Variants in CROCC2 observed in about 807,000 individuals in gnomAD.
CROCC2 encodes the protein ciliary rootlet coiled-coil, rootletin family member 2.
CROCC2 carries 163 observed loss-of-function variants against 177.6 expected under a neutral mutation model. The observed-to-expected ratio is 0.92, with a 90% CI of 0.81 to 1.05. CROCC2 has a LOEUF of 1.05. Among genes scored for constraint, CROCC2 ranks in the 50% least tolerant of loss-of-function variants. The pLI is 0.00. For synonymous variants in CROCC2, 904 were observed against 787.3 expected, an observed-to-expected ratio of 1.15 and a Z score of -2.48; for missense variants, 1,929 against 1,797.8, an observed-to-expected ratio of 1.07 and a Z score of -1.32.
intron 14 of CROCC2, among the ~76,000 whole-genome samples, chr2:240,943,785 C>CT (rs1482785985): frequency 6.6e-6 from 1 of 152,042 alleles, no homozygotes; most frequent in African/African-American, 2.4e-5. Flanking sequence ...CGGCCTAAAG[C>CT]TTTATTCTTG....
chr2:240,967,367 C>T lies in CROCC2; in HGVS notation c.4169C>T (p.Ala1390Val), dbSNP rs147170016. Residue 1390 changes from alanine to valine, a missense_variant, in exon 26 of 32, where the codon GCG (alanine) becomes GTG (valine). Physicochemically the swap from Ala to Val is moderately conservative, Grantham distance 64. This residue lies in a region of CROCC2 where 388 missense variants were observed against 352.7 expected (regional missense o/e 1.10). Coordinates refer to ENST00000690015, the MANE Select transcript of CROCC2 (RefSeq NM_001351305.2). ...RERDDSRIQM[A>V]TLSSRLSEAE... ...CAGGATGACTCCCGCATCCAGATGG[C>T]GACCCTGAGCAGCCGGCTGAGCGAG... 7.6e-5 allele frequency: 58 copies of T among 762,180 alleles called. No homozygotes were observed. The highest frequency in any genetic ancestry group is 5.4e-5 in the Non-Finnish European group (23 of 428,790). 47.2% of individuals were successfully genotyped at this position (762,180 alleles called of 1,614,324 possible). A position where few individuals can be genotyped will look rare whatever the true frequency, so the allele number is the denominator to read the frequency against.
rs143371927 is a variant in CROCC2, at chr2:240,944,431, C to A, written c.2170-1629C>A. Among the ~76,000 whole-genome samples the A allele has an allele frequency of 6.0e-4, 91 of 152,294 alleles. 1 individual carries two copies. The East Asian group carries it at 0.014, about 24-fold the overall frequency. On this transcript the variant is annotated intron_variant, in intron 14 of 31. Transcript: ENST00000690015. ...ATCTCCTTTTGAGGCTGTAATTACA[C>A]ATATGATGGGCATTTTTAGCTTGTC...
intron 1 of CROCC2, among the ~76,000 whole-genome samples, chr2:240,914,270 A>G (rs564105194): frequency 6.6e-6 from 1 of 152,322 alleles, no homozygotes; most frequent in South Asian, 2.1e-4. Context: ...CTCTTGAGCA[A>G]GTCTCAGAGG....
chr2:240,936,062 T>C (rs1414206290), intron 14 of CROCC2, among the ~76,000 whole-genome samples: 2 of 152,222 alleles, frequency 1.3e-5, no homozygotes, highest in Non-Finnish European at 2.9e-5. Flanking sequence ...TTCATCCGTG[T>C]GAAAACCCTG....
chr2:240,950,276 A>C (rs1020231850), intron 17 of CROCC2, 58 bp from the exon 18 acceptor site: 1 of 1,504,892 alleles, frequency 6.6e-7, no homozygotes, highest in Admixed American at 2.1e-5. Context: ...TCAGGACCAT[A>C]GACAACTGCT....
At chr2:240,916,256 C>T (rs184615620) in intron 1 of CROCC2, among the ~76,000 whole-genome samples, 1 of 151,958 alleles carries the variant, frequency 6.6e-6, no homozygotes, top group African/African-American at 2.4e-5. Context: ...CCATCCCTGC[C>T]TCTCCCCTGC....
chr2:240,941,127 G>C (rs557504680), intron 14 of CROCC2, among the ~76,000 whole-genome samples: 17 of 152,218 alleles, frequency 1.1e-4, no homozygotes, highest in African/African-American at 4.1e-4. Flanking sequence ...GCCTAACCAA[G>C]GATGTGAAAG....
intron 4 of CROCC2, among the ~76,000 whole-genome samples, chr2:240,923,493 C>CACACTAACCCAGCCCCCA (rs1559591372): frequency 1.9e-5 from 2 of 107,626 alleles, no homozygotes; most frequent in South Asian, 3.4e-4. Context: ...ACCCAGCCCC[C>CACACTAACCCAGCCCCCA]ACACTAACCC....
At chr2:240,956,888 G>A (rs764122471) in intron 19 of CROCC2, among the ~76,000 whole-genome samples, 13 of 152,078 alleles carry the variant, frequency 8.5e-5, no homozygotes, top group Non-Finnish European at 1.3e-4. Flanking sequence ...AGAGCCCAGC[G>A]ATAGGACATA....
rs146013573 is a variant in CROCC2, at chr2:240,952,018, T to A, written c.2829+1508T>A. Among the ~76,000 whole-genome samples, 7 of 152,322 alleles carry A rather than the reference T, an allele frequency of 4.6e-5. No individual in the cohort carries two copies. The East Asian group carries it at 1.2e-3, about 25-fold the overall frequency. On this transcript the variant is annotated intron_variant, in intron 18 of 31. Transcript: ENST00000690015. Reference sequence around the variant, plus strand: ...TGGACACATGAACACGTCCACATTGTGTCCCATGGGGTGATAAGGACTATA... The same window carrying A: ...TGGACACATGAACACGTCCACATTGAGTCCCATGGGGTGATAAGGACTATA...
rs528134586 is a variant in CROCC2, at chr2:240,958,923, T to C, written c.2944-378T>C. The stretch of plus-strand genomic sequence containing the variant: ...CCAAGGCCCGAGAGGACACCTCGGG[T>C]GGTGTGTGCGACAGGGAGCCGACTC... On this transcript the variant is annotated intron_variant, in intron 19 of 31. Transcript: ENST00000690015. The surrounding 1 kb of genome is among the most constrained non-coding windows in gnomAD (Gnocchi z 6.7). Among the ~76,000 whole-genome samples, 1 of 151,924 alleles carries C rather than the reference T, an allele frequency of 6.6e-6. No individual in the cohort carries two copies. Among genetic ancestry groups the C allele is most frequent in the South Asian group, 2.1e-4 (1 of 4,800 alleles).
rs116274279 is a variant in CROCC2, at chr2:240,967,467, T to C, written c.4267+2T>C. 1 of 1,522,546 alleles carries C rather than the reference T, an allele frequency of 6.6e-7. No homozygotes were observed. The highest frequency in any genetic ancestry group is 8.9e-7 in the Non-Finnish European group (1 of 1,121,840). 94.3% of individuals were successfully genotyped at this position (1,522,546 alleles called of 1,614,324 possible). ...AAGCCCTGGCTGAGGCGGAAGAAGG[T>C]GACCTCCCTTGCCCTGCCCCGCCCA... On this transcript the variant is annotated splice_donor_variant, in intron 26 of 31. Coordinates refer to ENST00000690015, the MANE Select transcript of CROCC2 (RefSeq NM_001351305.2). LOFTEE classifies it high-confidence loss of function.
Position 240,975,800 on chromosome 2 carries a change from G to C in CROCC2, c.4402-7080G>C, listed in dbSNP as rs538164595. On this transcript the variant is annotated intron_variant, in intron 27 of 31. Transcript: ENST00000690015. ...GCTGGAGTGCAGTGGCACGGTCTTG[G>C]TTCACTGCAACCTCTGCCTCCCAGG... is the stretch of plus-strand genomic sequence containing the variant. Among the ~76,000 whole-genome samples the C allele has an allele frequency of 4.2e-4, 61 of 145,470 alleles. 1 individual carries two copies. In the South Asian group the frequency reaches 0.013, roughly 31 times the overall value.
chr2:240,949,620 A>G lies in CROCC2; in HGVS notation c.2570A>G (p.Gln857Arg), dbSNP rs1428033928. 6.5e-7 allele frequency: 1 copy of G among 1,550,372 alleles called. No homozygotes were observed. Among genetic ancestry groups the G allele is most frequent in the African/African-American group, 1.4e-5 (1 of 73,050 alleles). The change falls in exon 17 of 32, where the codon CAG (glutamine) becomes CGG (arginine). Residue 857 changes from glutamine to arginine, a missense_variant. Gln to Arg is a conservative substitution (Grantham distance 43). Transcript: ENST00000690015. This position sits in a 1 kb window ranked among gnomAD's most constrained non-coding sequence, Gnocchi z 4.5. ...GTGCGGCTCCAGCGACAGGTGGCAC[A>G]GCAGGAGCGGGAGGCACAGCGGGCC... is the stretch of plus-strand genomic sequence containing the variant. The part of the protein sequence containing the change: ...DTVRLQRQVA[Q>R]QEREAQRALE...
chr2:240,966,598 C>T (rs2059686466), intron 25 of CROCC2, among the ~76,000 whole-genome samples, 189 bp downstream of exon 25: 1 of 152,108 alleles, frequency 6.6e-6, no homozygotes, highest in East Asian at 1.9e-4. Context: ...CTGGAGGCCG[C>T]CCCCTTCCTT....
In CROCC2 at chr2:240,912,076, G is replaced by A. The variant is rs372650464; in HGVS notation, c.78+5485G>A. Among the ~76,000 whole-genome samples the A allele has an allele frequency of 5.9e-5, 9 of 152,304 alleles. No homozygotes were observed. The South Asian group carries it at 1.2e-3, about 21-fold the overall frequency. On this transcript the variant is annotated intron_variant, in intron 1 of 31. Transcript: ENST00000690015. ...GTGGAGACCTGTCATGCTGTCTTCC[G>A]TAGTAACCGCACCGTCTTACCCTCC...
At chr2:240,933,383 A>T (rs563534800) in intron 10 of CROCC2, 41 bp downstream of exon 10, 4 of 1,450,996 alleles carry the variant, frequency 2.8e-6, no homozygotes, top group African/African-American at 1.4e-5. Flanking sequence ...CACAGGGTGT[A>T]TGGGATCCTG....
intron 2 of CROCC2, 37 bp from the exon 3 acceptor site, chr2:240,919,946 T>C (rs1242551098): frequency 1.6e-6 from 1 of 633,124 alleles, no homozygotes; most frequent in Non-Finnish European, 3.0e-6. Context: ...GGGTGGGCCC[T>C]GGTCTGGCCA....
intron 18 of CROCC2, among the ~76,000 whole-genome samples, 198 bp from the exon 19 acceptor site, chr2:240,955,661 G>T (rs1307935550): frequency 1.3e-5 from 2 of 152,194 alleles, no homozygotes; most frequent in East Asian, 1.9e-4. Flanking sequence ...AGGGTGAAAG[G>T]GCCCAGGGCC....
Sources: allele counts gnomAD v4.1 joint callset (sites outside exome capture counted in the v4.1 genomes callset), GRCh38; gene constraint gnomAD v4.1.1; regional missense constraint gnomAD v4.1.1; non-coding constraint Gnocchi (gnomAD v3.1); transcripts MANE v1.5; gene names NCBI Gene and HGNC (gene_info 2026-07-23, HGNC 2026-07-21).